The following ENOX1 variants were observed in gnomAD, a reference collection of about 807,000 sequenced individuals.
ENOX1 encodes candidate growth-related and time keeping constitutive hydroquinone (NADH) oxidase.
Under a neutral mutation model 82.5 loss-of-function variants are expected in ENOX1, and 42 were observed. The ratio of observed to expected loss-of-function variants is 0.51; its 90% CI spans 0.40 to 0.66. ENOX1 has a LOEUF of 0.66. Among genes scored for constraint, ENOX1 ranks in the 30% least tolerant of loss-of-function variants. ENOX1 has a pLI of 0.00. For synonymous variants in ENOX1, 271 were observed against 282.2 expected, an observed-to-expected ratio of 0.96 and a Z score of 0.40; for missense variants, 608 against 811.6, an observed-to-expected ratio of 0.75 and a Z score of 3.05.
intron 3 of ENOX1, among the ~76,000 whole-genome samples, chr13:43,465,537 G>A (rs532900833): frequency 3.3e-4 from 50 of 152,012 alleles, no homozygotes; most frequent in Non-Finnish European, 5.7e-4. Flanking sequence ...AGGATCCCTA[G>A]TTCCTATTAT....
At chr13:43,311,548 C>G (rs1215452583) in intron 11 of ENOX1, among the ~76,000 whole-genome samples, 1 of 152,106 alleles carries the variant, frequency 6.6e-6, no homozygotes, top group Non-Finnish European at 1.5e-5. Context: ...TAGAGTTTAT[C>G]TACTAGTTTT....
intron 2 of ENOX1, among the ~76,000 whole-genome samples, chr13:43,606,230 C>G (rs773709590): frequency 6.6e-6 from 1 of 152,012 alleles, no homozygotes; most frequent in Non-Finnish European, 1.5e-5. Flanking sequence ...TTAGTATAAC[C>G]ACTAGGGAGA....
chr13:43,244,224 G>A (rs2042973959), intron 14 of ENOX1, among the ~76,000 whole-genome samples: 1 of 151,330 alleles, frequency 6.6e-6, no homozygotes, highest in Non-Finnish European at 1.5e-5. Context: ...CTTCCCCATG[G>A]TTGCTGTGAG....
chr13:43,714,300 CTT>C (rs2087952401), intron 1 of ENOX1, among the ~76,000 whole-genome samples: 1 of 152,040 alleles, frequency 6.6e-6, no homozygotes, highest in Non-Finnish European at 1.5e-5. Flanking sequence ...AATTTCTGTT[CTT>C]TTACATTTGC....
intron 11 of ENOX1, among the ~76,000 whole-genome samples, chr13:43,298,749 G>A (rs1163659230): frequency 1.3e-5 from 2 of 152,214 alleles, no homozygotes; most frequent in Admixed American, 6.5e-5. Flanking sequence ...ACATGTGAAT[G>A]TTTCTTATGG....
rs1566805007 is a variant in ENOX1, at chr13:43,707,757, C to CAAAAA, written c.-284-40214_-284-40213insTTTTT. On this transcript the variant is annotated intron_variant, in intron 1 of 16. Transcript: ENST00000690772. ...AAAAAAAAAAAAAAAAAAAAAAAAA[C>CAAAAA]CAAGAACAAAGTAGAAAGATTTACA... is the stretch of plus-strand genomic sequence containing the variant. Among the ~76,000 whole-genome samples the CAAAAA allele has an allele frequency of 6.2e-3, 267 of 42,972 alleles. 2 individuals carry two copies. Among genetic ancestry groups the CAAAAA allele is most frequent in the African/African-American group, 0.018 (256 of 14,320 alleles). The allele number at this position is 42,972 out of a possible 152,430, so 28.2% of individuals were successfully genotyped here.
intron 2 of ENOX1, among the ~76,000 whole-genome samples, chr13:43,651,415 G>A (rs183672306): frequency 6.6e-6 from 1 of 152,222 alleles, no homozygotes; most frequent in Non-Finnish European, 1.5e-5. Flanking sequence ...TCACTTTGAG[G>A]CCGGGCATGT....
intron 5 of ENOX1, among the ~76,000 whole-genome samples, chr13:43,393,184 G>A (rs2052908501): frequency 1.3e-5 from 2 of 152,170 alleles, no homozygotes. Flanking sequence ...AAACACAATA[G>A]TACTTTGCTC....
chr13:43,250,866 A>C (rs1462155395), intron 14 of ENOX1, among the ~76,000 whole-genome samples: 3 of 152,238 alleles, frequency 2.0e-5, no homozygotes, highest in Non-Finnish European at 4.4e-5. Flanking sequence ...ATAAGCCATG[A>C]CAAAGGAAGA....
chr13:43,318,748 C>T (rs2047651622), intron 11 of ENOX1, among the ~76,000 whole-genome samples: 1 of 152,194 alleles, frequency 6.6e-6, no homozygotes, highest in African/African-American at 2.4e-5. Flanking sequence ...TGGAGGATGA[C>T]TAAGATAACA....
At chr13:43,293,294 A>T (rs2046106823) in intron 12 of ENOX1, among the ~76,000 whole-genome samples, 1 of 151,480 alleles carries the variant, frequency 6.6e-6, no homozygotes, top group South Asian at 2.1e-4. Context: ...ATAGCTAATA[A>T]GGCCACCACA....
rs761939050 is a variant in ENOX1 at position 43,322,375 on chromosome 13, C to T, written c.1261+9G>A. On this transcript the variant is annotated intron_variant, in intron 11 of 16. Transcript: ENST00000690772. ...TACCTCATGGGTCTGTGGCAGTTATCGGCATTACCTGATTCATCGACTCTC... is the reference window on the plus strand; with the variant it reads ...TACCTCATGGGTCTGTGGCAGTTATTGGCATTACCTGATTCATCGACTCTC... 2.5e-6 allele frequency: 4 copies of T among 1,604,592 alleles called. No individual in the cohort carries two copies. Among genetic ancestry groups the T allele is most frequent in the South Asian group, 1.1e-5 (1 of 90,586 alleles).
At chr13:43,775,361 C>T (rs1046006376) in intron 1 of ENOX1, among the ~76,000 whole-genome samples, 2 of 152,074 alleles carry the variant, frequency 1.3e-5, no homozygotes, top group Admixed American at 6.5e-5. Flanking sequence ...AGGCTGCTCT[C>T]GAACTCTTAG....
intron 9 of ENOX1, among the ~76,000 whole-genome samples, chr13:43,338,745 G>A (rs1023469103): frequency 2.1e-5 from 3 of 144,960 alleles, no homozygotes; most frequent in South Asian, 2.2e-4. Flanking sequence ...GAGTGCAGTG[G>A]CGCCATCTCG....
chr13:43,687,461 T>A (rs2086133836), intron 1 of ENOX1, among the ~76,000 whole-genome samples: 1 of 152,182 alleles, frequency 6.6e-6, no homozygotes, highest in Admixed American at 6.5e-5. Context: ...TTCCTCTGCT[T>A]TTGTATTCTA....
At chr13:43,296,373 T>C (rs1380891918) in intron 12 of ENOX1, among the ~76,000 whole-genome samples, 1 of 152,020 alleles carries the variant, frequency 6.6e-6, no homozygotes, top group Non-Finnish European at 1.5e-5. Flanking sequence ...GAGAGCAGGG[T>C]GATGTTTCCA....
intron 4 of ENOX1, among the ~76,000 whole-genome samples, chr13:43,412,556 T>C (rs541099272): frequency 1.3e-5 from 2 of 152,324 alleles, no homozygotes; most frequent in South Asian, 4.2e-4. Context: ...TTTACATTAT[T>C]ACACTAAGAA....
At chr13:43,362,077 A>G (rs1276870637) in intron 5 of ENOX1, among the ~76,000 whole-genome samples, 1 of 151,526 alleles carries the variant, frequency 6.6e-6, no homozygotes, top group Non-Finnish European at 1.5e-5. Flanking sequence ...TCTGGCTTCT[A>G]TTGGATAATT....
chr13:43,573,643 C>A (rs1339217106), intron 2 of ENOX1, among the ~76,000 whole-genome samples: 1 of 152,188 alleles, frequency 6.6e-6, no homozygotes, highest in African/African-American at 2.4e-5. Flanking sequence ...CACAACACAA[C>A]ACTGGCAACA....
Sources: gnomAD v4.1 joint callset for allele counts (sites outside exome capture counted in the v4.1 genomes callset) on GRCh38, gnomAD v4.1.1 for gene constraint, MANE v1.5 for transcripts, NCBI Gene and HGNC (gene_info 2026-07-23, HGNC 2026-07-21) for gene names.